Variants in CCDC192 observed in about 807,000 individuals in gnomAD.
CCDC192 encodes the protein coiled-coil domain containing 192.
chr5:127,899,632 C>T lies in CCDC192; in HGVS notation c.535+23971C>T, dbSNP rs190511937. Among the ~76,000 whole-genome samples, 225 of 151,726 alleles carry T rather than the reference C, an allele frequency of 1.5e-3. 2 individuals are homozygous for T. The highest frequency in any genetic ancestry group is 5.1e-3 in the African/African-American group (213 of 41,370). On this transcript the variant is annotated intron_variant, in intron 6 of 6. Coordinates refer to ENST00000514853, the MANE Select transcript of CCDC192 (RefSeq NM_001317938.2). The stretch of plus-strand genomic sequence containing the variant: ...AAACAGCTGTCCATTCAAACCCAAT[C>T]ACCCAGCAGTGAATCTGTTGATTCT...
chr5:127,914,045 A>G (rs952028274), intron 6 of CCDC192, among the ~76,000 whole-genome samples: 32 of 152,218 alleles, frequency 2.1e-4, no homozygotes, highest in African/African-American at 7.5e-4. Context: ...CAGAATTATG[A>G]TAACTTGGTA....
At chr5:127,772,399 G>C (rs553187461) in intron 3 of CCDC192, among the ~76,000 whole-genome samples, 3 of 151,198 alleles carry the variant, frequency 2.0e-5, no homozygotes, top group African/African-American at 7.3e-5. Flanking sequence ...GGGGGGGTGC[G>C]GACGTTGAGG....
At chr5:127,864,642 T>C (rs1200043821) in intron 5 of CCDC192, among the ~76,000 whole-genome samples, 1 of 152,236 alleles carries the variant, frequency 6.6e-6, no homozygotes, top group Non-Finnish European at 1.5e-5. Context: ...TGTTAAAATA[T>C]GCAATATGAA....
intron 2 of CCDC192, among the ~76,000 whole-genome samples, chr5:127,710,352 T>A (rs1751253043): frequency 6.6e-6 from 1 of 151,968 alleles, no homozygotes; most frequent in South Asian, 2.1e-4. Context: ...TTTTAAATAA[T>A]TGCTTTTAGT....
At chr5:127,893,676 C>G (rs1023442024) in intron 6 of CCDC192, among the ~76,000 whole-genome samples, 1 of 152,160 alleles carries the variant, frequency 6.6e-6, no homozygotes, top group Non-Finnish European at 1.5e-5. Context: ...GATAGTTTAA[C>G]ATAAGGGACA....
At chr5:127,915,218 AC>A (rs149925236) in intron 6 of CCDC192, among the ~76,000 whole-genome samples, 4,843 of 152,238 alleles carry the variant, frequency 0.032, 269 homozygotes, top group African/African-American at 0.11. Context: ...TGTTTAAAAA[AC>A]AATGCACATA....
chr5:127,751,751 C>A lies in CCDC192; in HGVS notation c.115-2517C>A, dbSNP rs370925467. ...ATTCTCCCCATCACTTTCAGGTACA[C>A]CAATCAGACGTAGATTTGGTCTTTT... On this transcript the variant is annotated intron_variant, in intron 2 of 6. Transcript: ENST00000514853. Among the ~76,000 whole-genome samples, 31 of 152,256 alleles carry A rather than the reference C, an allele frequency of 2.0e-4. 1 individual carries two copies. The East Asian group carries it at 4.6e-3, about 23-fold the overall frequency.
At chr5:127,717,928 C>CAAAAAAAAAAAAAAAAAAACAAAAAAA in intron 2 of CCDC192, among the ~76,000 whole-genome samples, 1 of 98,074 alleles carries the variant, frequency 1.0e-5, no homozygotes, top group Non-Finnish European at 2.0e-5. Flanking sequence ...TAAAGCTAGA[C>CAAAAAAAAAAAAAAAAAAACAAAAAAA]AAAAAAAAAA....
chr5:127,803,987 A>G (rs934153985), intron 5 of CCDC192, among the ~76,000 whole-genome samples: 2 of 152,218 alleles, frequency 1.3e-5, no homozygotes, highest in Non-Finnish European at 2.9e-5. Context: ...ATCCTGAACC[A>G]CTGAGGCCTG....
At chr5:127,822,571 G>A (rs1190825039) in intron 5 of CCDC192, among the ~76,000 whole-genome samples, 1 of 152,196 alleles carries the variant, frequency 6.6e-6, no homozygotes, top group South Asian at 2.1e-4. Context: ...GGGGTTCTGG[G>A]AGAGGGTGTG....
chr5:127,876,744 A>G (rs1752097387), intron 6 of CCDC192, among the ~76,000 whole-genome samples: 1 of 152,196 alleles, frequency 6.6e-6, no homozygotes. Context: ...GAGGAGGAGG[A>G]AGCAGGCGAT....
chr5:127,725,913 T>G (rs1014709771), intron 2 of CCDC192, among the ~76,000 whole-genome samples: 8 of 152,202 alleles, frequency 5.3e-5, no homozygotes, highest in Admixed American at 3.3e-4. Context: ...AATTGAAAGA[T>G]TATTATTAAT....
chr5:127,826,457 A>C (rs952519047), intron 5 of CCDC192, among the ~76,000 whole-genome samples: 1 of 151,930 alleles, frequency 6.6e-6, no homozygotes, highest in African/African-American at 2.4e-5. Flanking sequence ...AAGAAAACCA[A>C]TCTTTCTACT....
chr5:127,740,733 A>C (rs574634060), intron 2 of CCDC192, among the ~76,000 whole-genome samples: 1 of 152,340 alleles, frequency 6.6e-6, no homozygotes, highest in South Asian at 2.1e-4. Flanking sequence ...AAATTTATAC[A>C]ACAAAACTAA....
At chr5:127,887,810 T>G (rs1752613050) in intron 6 of CCDC192, among the ~76,000 whole-genome samples, 1 of 151,536 alleles carries the variant, frequency 6.6e-6, no homozygotes, top group Admixed American at 6.6e-5. Flanking sequence ...TTCATGCCAT[T>G]CTCCTGCCTC....
At chr5:127,882,615 A>T (rs1680892279) in intron 6 of CCDC192, among the ~76,000 whole-genome samples, 1 of 152,222 alleles carries the variant, frequency 6.6e-6, no homozygotes, top group African/African-American at 2.4e-5. Flanking sequence ...TGTTATGTGA[A>T]CTTTATCTCC....
At chr5:127,752,467 C>A (rs907501297) in intron 2 of CCDC192, among the ~76,000 whole-genome samples, 43 of 152,292 alleles carry the variant, frequency 2.8e-4, no homozygotes, top group African/African-American at 9.1e-4. Flanking sequence ...GCAGTCTGCC[C>A]GTTCTCAGAT....
In CCDC192 at chr5:127,826,383, C is replaced by G. The variant is rs1002919636; in HGVS notation, c.411+28221C>G. The stretch of plus-strand genomic sequence containing the variant: ...TGTGGAAAGCAGTTTGGAGATTTCT[C>G]AAAGAACTTAAAACAGAGCTACCAT... On this transcript the variant is annotated intron_variant, in intron 5 of 6. Coordinates refer to ENST00000514853, the MANE Select transcript of CCDC192 (RefSeq NM_001317938.2). 3.9e-5 allele frequency among the ~76,000 whole-genome samples: 6 copies of G among 151,910 alleles called. No individual in the cohort carries two copies. The South Asian group carries it at 1.2e-3, about 32-fold the overall frequency.
intron 6 of CCDC192, among the ~76,000 whole-genome samples, chr5:127,882,253 T>G (rs1404533930): frequency 6.6e-6 from 1 of 152,262 alleles, no homozygotes; most frequent in Non-Finnish European, 1.5e-5. Context: ...TTATCCCATT[T>G]ATTTTAAGTA....
Sources: gnomAD v4.1 joint callset for allele counts (sites outside exome capture counted in the v4.1 genomes callset) on GRCh38, gnomAD v4.1.1 for gene constraint, MANE v1.5 for transcripts, NCBI Gene and HGNC (gene_info 2026-07-23, HGNC 2026-07-21) for gene names.